EEPD1: variants seen among roughly 807,000 people sequenced by gnomAD.
The protein encoded by EEPD1 is endonuclease/exonuclease/phosphatase family domain-containing protein 1.
EEPD1 carries 17 observed loss-of-function variants against 46.3 expected under a neutral mutation model. The observed-to-expected ratio is 0.37, with a 90% CI of 0.25 to 0.55. The LOEUF is 0.55. Among genes scored for constraint, EEPD1 ranks in the 20% least tolerant of loss-of-function variants. EEPD1 has a pLI of 0.83. For synonymous variants in EEPD1, 313 were observed against 315.6 expected (o/e 0.99, Z 0.09); for missense variants, 673 against 745.6 (o/e 0.90, Z 1.13).
Position 36,300,732 on chromosome 7 carries a change from C to T in EEPD1, c.*1526C>T, listed in dbSNP as rs1021319891. 6.6e-5 allele frequency: 10 copies of T among 152,194 alleles called. No individual in the cohort carries two copies. Among genetic ancestry groups the T allele is most frequent in the African/African-American group, 2.4e-4 (10 of 41,452 alleles). 9.4% of individuals were successfully genotyped at this position (152,194 alleles called of 1,614,324 possible). A position where few individuals can be genotyped will look rare whatever the true frequency, so the allele number is the denominator to read the frequency against. The stretch of plus-strand genomic sequence containing the variant: ...TCCAAAGGCCATCCTTTTGGGGCCA[C>T]CTGGCTCCAAGAAGCATCGCTGGTC... On this transcript the variant is annotated 3_prime_UTR_variant, in exon 8 of 8. Coordinates refer to ENST00000242108, the MANE Select transcript of EEPD1 (RefSeq NM_030636.3).
Position 36,299,784 on chromosome 7 carries a change from C to T in EEPD1, c.*578C>T, listed in dbSNP as rs1392124077. ...ACAGCCCTCCCCCGCCCCCTTCCCCCGCCCCCCAACGCGCAGTGTGTATTT... is the reference window on the plus strand; with the variant it reads ...ACAGCCCTCCCCCGCCCCCTTCCCCTGCCCCCCAACGCGCAGTGTGTATTT... On this transcript the variant is annotated 3_prime_UTR_variant, in exon 8 of 8. Transcript: ENST00000242108. The T allele has an allele frequency of 6.2e-4, 93 of 151,124 alleles. No homozygotes were observed. Among genetic ancestry groups the T allele is most frequent in the Non-Finnish European group, 1.1e-3 (74 of 68,792 alleles). 9.4% of individuals were successfully genotyped at this position (151,124 alleles called of 1,614,324 possible). A position where few individuals can be genotyped will look rare whatever the true frequency, so the allele number is the denominator to read the frequency against.
At chr7:36,240,842 A>G (rs949956914) in intron 3 of EEPD1, among the ~76,000 whole-genome samples, 5 of 152,188 alleles carry the variant, frequency 3.3e-5, no homozygotes, top group Non-Finnish European at 7.4e-5. Context: ...TCCACCTCAG[A>G]TCATCAGGCA....
At chr7:36,211,791 G>A (rs980657475) in intron 2 of EEPD1, among the ~76,000 whole-genome samples, 1 of 152,058 alleles carries the variant, frequency 6.6e-6, no homozygotes, top group Non-Finnish European at 1.5e-5. Flanking sequence ...CAGGCGTGGT[G>A]GCAAGCGCCT....
intron 2 of EEPD1, among the ~76,000 whole-genome samples, chr7:36,168,854 C>A (rs1583783620): frequency 6.6e-6 from 1 of 151,892 alleles, no homozygotes; most frequent in Non-Finnish European, 1.5e-5. Context: ...GGTAAAGGAC[C>A]CTGTCCTCTT....
intron 2 of EEPD1, among the ~76,000 whole-genome samples, chr7:36,235,049 A>C (rs28585090): frequency 1.1e-4 from 10 of 87,428 alleles, no homozygotes; most frequent in Non-Finnish European, 1.6e-4. Context: ...AGCCTCCAGC[A>C]CAGGTTTCCC....
chr7:36,218,432 A>T lies in EEPD1; in HGVS notation c.879-20553A>T, dbSNP rs187082466. 5.9e-5 allele frequency among the ~76,000 whole-genome samples: 9 copies of T among 152,306 alleles called. No individual in the cohort carries two copies. In the East Asian group the frequency reaches 1.7e-3, roughly 29 times the overall value. Reference sequence around the variant, plus strand: ...AAATTATAACAATAGACTGTAATAAAATTTATGTGAATGTGGTCTCTCTCT... The same window carrying T: ...AAATTATAACAATAGACTGTAATAATATTTATGTGAATGTGGTCTCTCTCT... On this transcript the variant is annotated intron_variant, in intron 2 of 7. Transcript: ENST00000242108.
At chr7:36,279,698 G>A (rs578164788) in intron 3 of EEPD1, among the ~76,000 whole-genome samples, 28 of 152,348 alleles carry the variant, frequency 1.8e-4, no homozygotes, top group African/African-American at 6.3e-4. Context: ...AAACCCAAGC[G>A]TGCATCAGAA....
At chr7:36,209,619 G>A (rs1438165337) in intron 2 of EEPD1, among the ~76,000 whole-genome samples, 1 of 151,936 alleles carries the variant, frequency 6.6e-6, no homozygotes, top group Non-Finnish European at 1.5e-5. Flanking sequence ...AATACCGCGG[G>A]CCAGAGGAGT....
At chr7:36,227,188 A>G (rs1786245337) in intron 2 of EEPD1, among the ~76,000 whole-genome samples, 1 of 152,238 alleles carries the variant, frequency 6.6e-6, no homozygotes, top group Admixed American at 6.5e-5. Context: ...TTCTTAAAAA[A>G]TAGAATATAC....
intron 3 of EEPD1, among the ~76,000 whole-genome samples, chr7:36,264,264 T>C (rs1246792911): frequency 1.3e-5 from 2 of 152,188 alleles, no homozygotes; most frequent in East Asian, 3.8e-4. Context: ...ACTCCTTCCT[T>C]AGAGTTGCTT....
chr7:36,271,795 CCTCCTATTCTATTCTATT>C (rs1562708602), intron 3 of EEPD1, among the ~76,000 whole-genome samples: 2 of 149,356 alleles, frequency 1.3e-5, no homozygotes, highest in Non-Finnish European at 3.0e-5. Flanking sequence ...GGAACATAAG[CCTCCTATTCTATTCTATT>C]CTATTCTATT....
chr7:36,266,541 A>G (rs1419645529), intron 3 of EEPD1, among the ~76,000 whole-genome samples: 1 of 152,240 alleles, frequency 6.6e-6, no homozygotes, highest in Non-Finnish European at 1.5e-5. Context: ...CATCTAGCCC[A>G]TCACTCAAGT....
At chr7:36,267,633 A>G (rs1489936483) in intron 3 of EEPD1, among the ~76,000 whole-genome samples, 1 of 152,198 alleles carries the variant, frequency 6.6e-6, no homozygotes, top group Non-Finnish European at 1.5e-5. Flanking sequence ...TCTGCAGCCC[A>G]GGCCCCAGCT....
At chr7:36,236,455 C>T (rs1426082432) in intron 2 of EEPD1, among the ~76,000 whole-genome samples, 5 of 152,200 alleles carry the variant, frequency 3.3e-5, no homozygotes, top group Admixed American at 6.5e-5. Flanking sequence ...TTGTTGGCCA[C>T]GACAGCCGGT....
chr7:36,220,772 T>A (rs991264086), intron 2 of EEPD1, among the ~76,000 whole-genome samples: 1 of 152,204 alleles, frequency 6.6e-6, no homozygotes, highest in African/African-American at 2.4e-5. Context: ...AACAAACTTA[T>A]AACTACACTG....
chr7:36,160,680 G>GGT (rs1554308601), intron 2 of EEPD1, among the ~76,000 whole-genome samples: 2 of 118,762 alleles, frequency 1.7e-5, no homozygotes, highest in African/African-American at 2.7e-5. Flanking sequence ...AGGTGGTGGG[G>GGT]GGCGGGGCGT....
chr7:36,224,672 G>A (rs1241925137), intron 2 of EEPD1, among the ~76,000 whole-genome samples: 1 of 152,162 alleles, frequency 6.6e-6, no homozygotes, highest in East Asian at 1.9e-4. Flanking sequence ...GGAAAAGCAA[G>A]GAGATGGATT....
At chr7:36,284,186 C>G (rs1381451769) in intron 4 of EEPD1, among the ~76,000 whole-genome samples, 1 of 152,240 alleles carries the variant, frequency 6.6e-6, no homozygotes, top group African/African-American at 2.4e-5. Flanking sequence ...CCAGAAAACA[C>G]TGAGTGGGCT....
chr7:36,210,637 C>T (rs1190478135), intron 2 of EEPD1, among the ~76,000 whole-genome samples: 3 of 152,202 alleles, frequency 2.0e-5, no homozygotes, highest in African/African-American at 7.2e-5. Context: ...CCTCCTCCCT[C>T]ACTCTCTTGC....
Sources: gnomAD v4.1 joint callset for allele counts (sites outside exome capture counted in the v4.1 genomes callset) on GRCh38, gnomAD v4.1.1 for gene constraint, MANE v1.5 for transcripts, NCBI Gene and HGNC (gene_info 2026-07-23, HGNC 2026-07-21) for gene names.